The following PRSS57 variants were observed in gnomAD, a reference collection of about 807,000 sequenced individuals.
PRSS57 encodes the protein neutrophil serine protease 4.
Under a neutral mutation model 20.6 loss-of-function variants are expected in PRSS57, and 19 were observed. The ratio of observed to expected loss-of-function variants is 0.92; its 90% confidence interval spans 0.64 to 1.35. The LOEUF is 1.35. PRSS57 is among the 40% of genes most tolerant of loss of function. The pLI, the probability that PRSS57 is intolerant of heterozygous loss-of-function variation, is 0.00. For missense variants in PRSS57, 440 were observed against 403.7 expected (o/e 1.09, Z -0.77); for synonymous variants, 203 against 176.6 (o/e 1.15, Z -1.19).
intron 2 of PRSS57, among the ~76,000 whole-genome samples, chr19:694,221 G>T (rs2031726029): frequency 6.6e-6 from 1 of 151,930 alleles, no homozygotes; most frequent in Admixed American, 6.6e-5. Context: ...CCTGCAGGAG[G>T]GGACCCACCC....
chr19:685,975 A>G, intron 4 of PRSS57, 53 bp from the exon 5 acceptor site: 1 of 1,449,060 alleles, frequency 6.9e-7, no homozygotes. Flanking sequence ...CTGCAGGCAC[A>G]TCTCACCACG....
At chr19:692,705 C>T (rs553331176) in intron 2 of PRSS57, among the ~76,000 whole-genome samples, 128 of 151,748 alleles carry the variant, frequency 8.4e-4, no homozygotes, top group Non-Finnish European at 1.6e-3. Flanking sequence ...GCGTGAGCCA[C>T]GGTGCCCAGC....
intron 4 of PRSS57, 139 bp downstream of exon 4, chr19:686,786 G>T: frequency 9.0e-7 from 1 of 1,105,754 alleles, no homozygotes; most frequent in Admixed American, 2.5e-5. Context: ...CCAACTCCCT[G>T]CCTTCCCTGG....
At chr19:694,241 C>G (rs114139278) in intron 2 of PRSS57, among the ~76,000 whole-genome samples, 3,839 of 152,068 alleles carry the variant, frequency 0.025, 69 homozygotes, top group South Asian at 0.055. Context: ...CACCCTGGCC[C>G]CAATATACAT....
At chr19:688,444 G>A (rs1046131411) in intron 3 of PRSS57, among the ~76,000 whole-genome samples, 3 of 150,558 alleles carry the variant, frequency 2.0e-5, no homozygotes, top group African/African-American at 4.9e-5. Flanking sequence ...GGGTTCAAGC[G>A]ATTCTCCTGC....
chr19:694,261 T>C (rs2031727552), intron 2 of PRSS57, among the ~76,000 whole-genome samples: 1 of 152,000 alleles, frequency 6.6e-6, no homozygotes. Flanking sequence ...TTTTAATAGT[T>C]ATTATAACAA....
intron 2 of PRSS57, among the ~76,000 whole-genome samples, chr19:694,561 C>CAAAAAAAAAAAAAA (rs774941376): frequency 1.3e-4 from 17 of 130,808 alleles, no homozygotes; most frequent in East Asian, 2.4e-4. Context: ...GAGACTGCCT[C>CAAAAAAAAAAAAAA]AAAAAAAAAA....
intron 3 of PRSS57, among the ~76,000 whole-genome samples, chr19:689,979 G>A (rs1231627252): frequency 6.6e-6 from 1 of 151,658 alleles, no homozygotes; most frequent in African/African-American, 2.4e-5. Flanking sequence ...CTTGAACCCG[G>A]GAGATGGAGG....
In PRSS57 at chr19:687,108, C is replaced by T. The variant is rs771672523; in HGVS notation, c.459G>A (p.Gly153=). 7 of 1,613,008 alleles carry T rather than the reference C, an allele frequency of 4.3e-6. No individual in the cohort carries two copies. The highest frequency in any genetic ancestry group is 5.1e-6 in the Non-Finnish European group (6 of 1,179,614). The part of the protein sequence containing the change: ...PGRRARPPTA[G]TRCRVAGWGF... ...CCCAGCCAGCCACCCGGCACCGTGT[C>T]CCCGCTGTGGGGGGCCTGGCCCTTC... Residue 153 remains glycine, a synonymous_variant, in exon 4 of 5, where the codon GGG becomes GGA. Coordinates refer to ENST00000329267, the MANE Select transcript of PRSS57 (RefSeq NM_001308209.2).
At chr19:686,258 C>T (rs1207536385) in intron 4 of PRSS57, among the ~76,000 whole-genome samples, 1 of 152,054 alleles carries the variant, frequency 6.6e-6, no homozygotes, top group Admixed American at 6.6e-5. Flanking sequence ...TAACAGGTCT[C>T]TCTGCCTTGC....
At chr19:694,625 T>C (rs1248596713) in intron 2 of PRSS57, among the ~76,000 whole-genome samples, 189 bp downstream of exon 2, 2 of 134,682 alleles carry the variant, frequency 1.5e-5, no homozygotes, top group African/African-American at 2.7e-5. Flanking sequence ...CGCCTGTTGC[T>C]TCTTCTGTGC....
chr19:693,267 C>A (rs760410563), intron 2 of PRSS57, among the ~76,000 whole-genome samples: 5 of 135,706 alleles, frequency 3.7e-5, no homozygotes, highest in Non-Finnish European at 7.8e-5. Context: ...AGGTCTCACT[C>A]TGTCACCCAG....
Position 687,047 on chromosome 19 carries a change from G to T in PRSS57, c.520C>A (p.Leu174Met), listed in dbSNP as rs373914017. ...AGCACTCGGACCTTGGCCTCCATCAGTCCAGGCGGCAGCTCCTCAAAGTCA... is the reference window on the plus strand; with the variant it reads ...AGCACTCGGACCTTGGCCTCCATCATTCCAGGCGGCAGCTCCTCAAAGTCA... ...VSDFEELPPG[L>M]MEAKVRVLDP... Residue 174 changes from leucine (L) to methionine (M), a missense_variant, in exon 4 of 5, where the codon CTG (leucine) becomes ATG (methionine). Physicochemically the swap from Leu to Met is conservative, Grantham distance 15. Transcript: ENST00000329267. 18 of 1,613,948 alleles carry T rather than the reference G, an allele frequency of 1.1e-5. No individual in the cohort carries two copies. The highest frequency in any genetic ancestry group is 5.0e-5 in the Admixed American group (3 of 59,994).
At chr19:688,300 A>G (rs953114162) in intron 3 of PRSS57, among the ~76,000 whole-genome samples, 3 of 151,684 alleles carry the variant, frequency 2.0e-5, no homozygotes, top group Non-Finnish European at 4.4e-5. Context: ...ACAGATGAGA[A>G]AAATTCACCC....
chr19:694,674 T>G lies in PRSS57; in HGVS notation c.233+140A>C, dbSNP rs2031737593. 2.0e-5 allele frequency: 19 copies of G among 936,812 alleles called. No homozygotes were observed. The South Asian group carries it at 3.0e-4, about 15-fold the overall frequency. 58.0% of individuals were successfully genotyped at this position (936,812 alleles called of 1,614,324 possible). A position where few individuals can be genotyped will look rare whatever the true frequency, so the allele number is the denominator to read the frequency against. ...CTGCCTTATCCTCCTGTTTTCCCTT[T>G]GTTGCCCTTTAAATCCAGCCCCTGC... On this transcript the variant is annotated intron_variant, in intron 2 of 4. Coordinates refer to ENST00000329267, the MANE Select transcript of PRSS57 (RefSeq NM_001308209.2).
chr19:691,824 C>T (rs969425161), intron 3 of PRSS57, 34 bp downstream of exon 3: 16 of 1,318,300 alleles, frequency 1.2e-5, no homozygotes, highest in Non-Finnish European at 1.5e-5. Flanking sequence ...GTCTCAAAAA[C>T]TAAACATACG....
chr19:693,930 T>C (rs1012639154), intron 2 of PRSS57, among the ~76,000 whole-genome samples: 1 of 151,920 alleles, frequency 6.6e-6, no homozygotes, highest in Non-Finnish European at 1.5e-5. Context: ...TTAGTAGAGA[T>C]GGGGTTTCAC....
Position 691,986 on chromosome 19 carries a change from G to A in PRSS57, c.250C>T (p.Leu84=). The change falls in exon 3 of 5, where the codon CTG becomes TTG. Residue 84 remains leucine, a synonymous_variant. Transcript: ENST00000329267. ...CFSHRDLRTG[L]VVLGAHVLST... is the part of the protein sequence containing the mutation. ...AGGACGTGGGCGCCCAGCACCACCA[G>A]GCCAGTGCGGAGGTCTCTGCAGGGA... 7.5e-7 allele frequency: 1 copy of A among 1,325,004 alleles called. No homozygotes were observed. The highest frequency in any genetic ancestry group is 9.7e-7 in the Non-Finnish European group (1 of 1,028,390). 82.1% of individuals were successfully genotyped at this position (1,325,004 alleles called of 1,614,324 possible).
rs2031663498 is a variant in PRSS57 at position 691,999 on chromosome 19, G to T, written c.237C>A (p.Asp79Glu). 1.5e-6 allele frequency: 2 copies of T among 1,319,226 alleles called. No individual in the cohort carries two copies. The highest frequency in any genetic ancestry group is 2.8e-5 in the East Asian group (1 of 35,512). 81.7% of individuals were successfully genotyped at this position (1,319,226 alleles called of 1,614,324 possible). A position where few individuals can be genotyped will look rare whatever the true frequency, so the allele number is the denominator to read the frequency against. The change falls in exon 3 of 5, where the codon GAC (aspartate) becomes GAA (glutamate). Residue 79 changes from aspartate (D) to glutamate (E), a missense_variant. By Grantham distance (45) the Asp-to-Glu change is conservative (BLOSUM62 2). Transcript: ENST00000329267. ...VSAAHCFSHR[D>E]LRTGLVVLGA... ...CCAGCACCACCAGGCCAGTGCGGAG[G>T]TCTCTGCAGGGAGGAGGTGGTGGGT...
Sources: gnomAD v4.1 joint callset for allele counts (sites outside exome capture counted in the v4.1 genomes callset) on GRCh38, gnomAD v4.1.1 for gene constraint, MANE v1.5 for transcripts, NCBI Gene and HGNC (gene_info 2026-07-23, HGNC 2026-07-21) for gene names.